MYO3A: variants seen among roughly 807,000 people sequenced by gnomAD.
The protein encoded by MYO3A is myosin-IIIa.
In MYO3A, 180 loss-of-function variants were observed where a neutral mutation model predicts 192.7. The ratio of observed to expected loss-of-function variants is 0.93; its 90% CI spans 0.83 to 1.06. MYO3A has a LOEUF of 1.06. Ranked by LOEUF, MYO3A falls within the 50% of genes least tolerant of loss-of-function variation. The pLI, the probability that MYO3A is intolerant of heterozygous loss-of-function variation, is 0.00. For missense variants in MYO3A, 1,896 were observed against 1,905.0 expected, an observed-to-expected ratio of 1.00 and a Z score of 0.09; for synonymous variants, 628 against 645.3, an observed-to-expected ratio of 0.97 and a Z score of 0.41.
At chr10:25,965,195 A>C (rs1463140576) in intron 4 of MYO3A, among the ~76,000 whole-genome samples, 1 of 152,074 alleles carries the variant, frequency 6.6e-6, no homozygotes, top group Non-Finnish European at 1.5e-5. Flanking sequence ...AACATTCTAC[A>C]CCTGTCTCTC....
chr10:26,048,784 G>C (rs1057505214), intron 10 of MYO3A, among the ~76,000 whole-genome samples: 9 of 152,146 alleles, frequency 5.9e-5, no homozygotes, highest in African/African-American at 2.2e-4. Context: ...TAGTAGTCTG[G>C]ACTTCAGGGG....
At position 26,164,706 on chromosome 10, in the gene MYO3A, G is replaced by A. The variant is rs747003130; in HGVS notation, c.3000-1361G>A. Among the ~76,000 whole-genome samples, 43 of 152,176 alleles carry A rather than the reference G, an allele frequency of 2.8e-4. 1 individual carries two copies. The highest frequency in any genetic ancestry group is 2.7e-3 in the Admixed American group (42 of 15,278). On this transcript the variant is annotated intron_variant, in intron 26 of 34. Transcript: ENST00000642920. ...CTGGCTGTGCTCTGAAGCCCGGCAC[G>A]AGGATAGAGACGCAGATGATTGGCG...
chr10:26,122,885 T>A (rs1838964635), intron 18 of MYO3A, among the ~76,000 whole-genome samples: 1 of 152,162 alleles, frequency 6.6e-6, no homozygotes, highest in Non-Finnish European at 1.5e-5. Flanking sequence ...TAAATGTATG[T>A]CAAATAAATA....
chr10:26,116,509 G>A (rs920464404), intron 17 of MYO3A, among the ~76,000 whole-genome samples: 1 of 152,142 alleles, frequency 6.6e-6, no homozygotes, highest in Non-Finnish European at 1.5e-5. Flanking sequence ...CACGTTCTGA[G>A]TACTGGGACT....
chr10:26,148,733 G>A (rs552648673), intron 23 of MYO3A, among the ~76,000 whole-genome samples: 39 of 152,274 alleles, frequency 2.6e-4, no homozygotes, highest in South Asian at 1.9e-3. Flanking sequence ...ATCTGCTAGT[G>A]TATCACATTT....
At chr10:26,156,501 AG>A (rs1269449657) in intron 25 of MYO3A, among the ~76,000 whole-genome samples, 2 of 152,240 alleles carry the variant, frequency 1.3e-5, no homozygotes, top group South Asian at 2.1e-4. Context: ...TATAGAACAC[AG>A]TTTCATATCT....
intron 7 of MYO3A, among the ~76,000 whole-genome samples, chr10:26,021,017 G>C (rs1397226750): frequency 6.6e-6 from 1 of 152,068 alleles, no homozygotes; most frequent in Non-Finnish European, 1.5e-5. Context: ...CCTCCCTTAG[G>C]TAGCCTTGCC....
chr10:26,036,065 C>G (rs1843019031), intron 10 of MYO3A, among the ~76,000 whole-genome samples: 1 of 151,964 alleles, frequency 6.6e-6, no homozygotes, highest in Non-Finnish European at 1.5e-5. Context: ...TCCCAAGTAG[C>G]TGGGACTACA....
intron 10 of MYO3A, among the ~76,000 whole-genome samples, chr10:26,060,916 T>C (rs931763552): frequency 7.0e-6 from 1 of 143,426 alleles, no homozygotes; most frequent in Non-Finnish European, 1.5e-5. Context: ...CAACTTTTTA[T>C]TTTTATTTTT....
chr10:25,938,540 T>A (rs890182374), intron 2 of MYO3A, among the ~76,000 whole-genome samples: 1 of 152,218 alleles, frequency 6.6e-6, no homozygotes, highest in Non-Finnish European at 1.5e-5. Context: ...AACTCCAGTG[T>A]GTTTCTTCCA....
At chr10:26,018,258 T>G (rs17738702) in intron 7 of MYO3A, among the ~76,000 whole-genome samples, 2,052 of 152,178 alleles carry the variant, frequency 0.013, 29 homozygotes, top group Middle Eastern at 0.021. Flanking sequence ...TCACTACAGT[T>G]TTTTTCAAGC....
chr10:26,193,928 T>G (rs1265925439), intron 32 of MYO3A, among the ~76,000 whole-genome samples: 3 of 152,162 alleles, frequency 2.0e-5, no homozygotes, highest in Non-Finnish European at 2.9e-5. Context: ...GCGTTGCCCC[T>G]GATCGCCTGG....
At chr10:26,030,717 G>T (rs1842765132) in intron 10 of MYO3A, among the ~76,000 whole-genome samples, 1 of 152,188 alleles carries the variant, frequency 6.6e-6, no homozygotes, top group Non-Finnish European at 1.5e-5. Context: ...AGAACTGAAG[G>T]TATGTGCTTG....
chr10:25,938,506 A>G (rs995086102), intron 2 of MYO3A, among the ~76,000 whole-genome samples: 5 of 152,192 alleles, frequency 3.3e-5, no homozygotes, highest in African/African-American at 1.2e-4. Flanking sequence ...GGAGAGAGAC[A>G]AAATTCTATA....
chr10:26,029,931 T>A (rs1842730750), intron 10 of MYO3A, among the ~76,000 whole-genome samples: 1 of 152,158 alleles, frequency 6.6e-6, no homozygotes, highest in East Asian at 1.9e-4. Flanking sequence ...CCTTTGCCAT[T>A]ATCTGGTTTC....
intron 18 of MYO3A, among the ~76,000 whole-genome samples, chr10:26,121,495 A>G (rs1260785060): frequency 6.6e-6 from 1 of 152,162 alleles, no homozygotes; most frequent in Non-Finnish European, 1.5e-5. Flanking sequence ...CACACCTCTA[A>G]TCCCAGTACT....
At chr10:25,938,056 A>C (rs1463508366) in intron 2 of MYO3A, among the ~76,000 whole-genome samples, 1 of 152,226 alleles carries the variant, frequency 6.6e-6, no homozygotes, top group Non-Finnish European at 1.5e-5. Context: ...AGTGTTTTAC[A>C]GGGCAAATTT....
intron 19 of MYO3A, among the ~76,000 whole-genome samples, chr10:26,127,540 C>T (rs758616040): frequency 7.9e-5 from 12 of 152,150 alleles, no homozygotes; most frequent in Non-Finnish European, 1.6e-4. Context: ...AATTCAGTTG[C>T]TTCCTCCAAA....
rs779153433 is a variant in MYO3A, at chr10:26,211,976, G to A, written c.*13G>A. 18 of 1,607,716 alleles carry A rather than the reference G, an allele frequency of 1.1e-5. 1 individual carries two copies. Among genetic ancestry groups the A allele is most frequent in the South Asian group, 8.8e-5 (8 of 90,864 alleles). ...CCAGCAGTCCTAACCGTTCAACGAGGCAGTCACCGCCGTCGGAAGGCGCTG... is the reference window on the plus strand; with the variant it reads ...CCAGCAGTCCTAACCGTTCAACGAGACAGTCACCGCCGTCGGAAGGCGCTG... On this transcript the variant is annotated 3_prime_UTR_variant, in exon 35 of 35. Transcript: ENST00000642920.
Sources: gnomAD v4.1 joint callset for allele counts (sites outside exome capture counted in the v4.1 genomes callset) on GRCh38, gnomAD v4.1.1 for gene constraint, MANE v1.5 for transcripts, NCBI Gene and HGNC (gene_info 2026-07-23, HGNC 2026-07-21) for gene names.